Variants in FNBP1L observed in about 807,000 individuals in gnomAD.
FNBP1L encodes formin-binding protein 1-like.
A neutral mutation model predicts 91.2 loss-of-function variants in FNBP1L; 36 were observed. The observed-to-expected ratio is 0.39, with a 90% CI of 0.30 to 0.52. The LOEUF (loss-of-function observed/expected upper bound fraction) is 0.52, where lower values mean the gene tolerates loss of function less well. Ranked by LOEUF, FNBP1L falls within the 20% of genes least tolerant of loss-of-function variation. The pLI is 0.66. For synonymous variants in FNBP1L, 242 were observed against 237.0 expected (o/e 1.02, Z -0.19); for missense variants, 571 against 732.1 (o/e 0.78, Z 2.54).
At chr1:93,466,016 G>C (rs1477859741) in intron 1 of FNBP1L, among the ~76,000 whole-genome samples, 4 of 152,020 alleles carry the variant, frequency 2.6e-5, no homozygotes, top group African/African-American at 7.3e-5. Flanking sequence ...TGAGAAGTAT[G>C]TGTTCATATC....
intron 5 of FNBP1L, among the ~76,000 whole-genome samples, chr1:93,528,018 G>C (rs1671547538): frequency 6.6e-6 from 1 of 151,724 alleles, no homozygotes; most frequent in South Asian, 2.1e-4. Flanking sequence ...GAAAGATAAA[G>C]TTCAATAAAT....
rs770230227 is a variant in FNBP1L, at chr1:93,550,992, A to G, written c.1697A>G (p.Tyr566Cys). The change falls in exon 16 of 17, where the codon TAC becomes TGC. Residue 566 changes from tyrosine to cysteine, a missense_variant. By Grantham distance (194) the Tyr-to-Cys change is radical. Coordinates refer to ENST00000271234, the MANE Select transcript of FNBP1L (RefSeq NM_001164473.3). ...GCAATGAAAGAAGGTGAAGTTCTCT[A>G]CATTATAGAGGAGGACAAAGGTGAC... ...TLAMKEGEVL[Y>C]IIEEDKGDGW... 2.5e-6 allele frequency: 4 copies of G among 1,611,256 alleles called. No homozygotes were observed. In the South Asian group the frequency reaches 3.3e-5, roughly 13 times the overall value.
chr1:93,452,091 G>A (rs1474160963), intron 1 of FNBP1L, among the ~76,000 whole-genome samples: 1 of 152,040 alleles, frequency 6.6e-6, no homozygotes, highest in Non-Finnish European at 1.5e-5. Flanking sequence ...TATTATCTTG[G>A]CTTCATAACA....
chr1:93,550,092 GT>G (rs1429086204), intron 15 of FNBP1L, among the ~76,000 whole-genome samples: 2 of 152,182 alleles, frequency 1.3e-5, no homozygotes, highest in Non-Finnish European at 2.9e-5. Flanking sequence ...ATAAACGGTT[GT>G]AAAATGGTGC....
chr1:93,458,054 T>A (rs765055074), intron 1 of FNBP1L, among the ~76,000 whole-genome samples: 7 of 152,148 alleles, frequency 4.6e-5, no homozygotes, highest in Non-Finnish European at 7.4e-5. Flanking sequence ...CCTCCCAGAG[T>A]GCTGGGATTA....
Position 93,553,297 on chromosome 1 carries a change from C to G in FNBP1L, c.*881C>G, listed in dbSNP as rs986351814. On this transcript the variant is annotated 3_prime_UTR_variant, in exon 17 of 17. Transcript: ENST00000271234. ...GCTTCCATTCAAATGCTGCCTTAAACTTGAGTGCCTAAATCTGTTGATTGC... is the reference window on the plus strand; with the variant it reads ...GCTTCCATTCAAATGCTGCCTTAAAGTTGAGTGCCTAAATCTGTTGATTGC... The G allele has an allele frequency of 6.5e-6, 1 of 152,676 alleles. No individual in the cohort carries two copies. Among genetic ancestry groups the G allele is most frequent in the African/African-American group, 2.4e-5 (1 of 41,466 alleles). 9.5% of individuals were successfully genotyped at this position (152,676 alleles called of 1,614,324 possible).
At chr1:93,539,807 G>A (rs1671967884) in intron 10 of FNBP1L, among the ~76,000 whole-genome samples, 2 of 152,044 alleles carry the variant, frequency 1.3e-5, no homozygotes, top group African/African-American at 4.8e-5. Flanking sequence ...TCTAAAGAAT[G>A]TTAAGCTTAA....
chr1:93,508,167 G>C (rs1381607972), intron 2 of FNBP1L, among the ~76,000 whole-genome samples: 1 of 151,582 alleles, frequency 6.6e-6, no homozygotes, highest in East Asian at 2.0e-4. Context: ...GGCCAACATG[G>C]TGAAACCCCA....
intron 1 of FNBP1L, among the ~76,000 whole-genome samples, chr1:93,496,958 G>A (rs1570803640): frequency 2.0e-5 from 3 of 152,264 alleles, no homozygotes; most frequent in Middle Eastern, 3.4e-3. Context: ...ATTAGTTTCA[G>A]TGGGGTTTGA....
chr1:93,518,685 T>C (rs999908943), intron 2 of FNBP1L, among the ~76,000 whole-genome samples: 5 of 152,216 alleles, frequency 3.3e-5, no homozygotes, highest in African/African-American at 1.2e-4. Context: ...CAACTGCCAC[T>C]CCTCCTCCTA....
At chr1:93,533,262 TAAA>T (rs10541830) in intron 8 of FNBP1L, among the ~76,000 whole-genome samples, 194 bp downstream of exon 8, 3,181 of 142,142 alleles carry the variant, frequency 0.022, 109 homozygotes, top group African/African-American at 0.074. Flanking sequence ...AATTCTTTCT[TAAA>T]AAAAAAAAAA....
chr1:93,524,428 T>C (rs1671431963), intron 5 of FNBP1L, 105 bp downstream of exon 5: 5 of 760,954 alleles, frequency 6.6e-6, no homozygotes, highest in Admixed American at 7.9e-5. Flanking sequence ...TCTCAGTGTA[T>C]TATTAATAAT....
At chr1:93,481,660 CAG>C (rs1389358798) in intron 1 of FNBP1L, among the ~76,000 whole-genome samples, 1 of 152,176 alleles carries the variant, frequency 6.6e-6, no homozygotes, top group Non-Finnish European at 1.5e-5. Flanking sequence ...AAGAGAGTAA[CAG>C]ACTGCTGTCC....
rs1177953391 is a variant in FNBP1L, at chr1:93,554,586, A to T, written c.*2170A>T. ...TGCACATGTTGATTTCTTAATGGTAAATCCTTCATTTAAAGATAGTGTTCT... is the reference window on the plus strand; with the variant it reads ...TGCACATGTTGATTTCTTAATGGTATATCCTTCATTTAAAGATAGTGTTCT... On this transcript the variant is annotated 3_prime_UTR_variant, in exon 17 of 17. Transcript: ENST00000271234. 1 of 152,600 alleles carries T rather than the reference A, an allele frequency of 6.6e-6. No individual in the cohort carries two copies. Among genetic ancestry groups the T allele is most frequent in the Non-Finnish European group, 1.5e-5 (1 of 68,028 alleles). 9.5% of individuals were successfully genotyped at this position (152,600 alleles called of 1,614,324 possible).
chr1:93,457,182 A>G (rs1350349932), intron 1 of FNBP1L, among the ~76,000 whole-genome samples: 1 of 151,996 alleles, frequency 6.6e-6, no homozygotes, highest in Non-Finnish European at 1.5e-5. Context: ...ACTGCGTCTG[A>G]CCTCCAACCA....
intron 16 of FNBP1L, 96 bp from the exon 17 acceptor site, chr1:93,552,313 G>C: frequency 6.6e-7 from 1 of 1,507,382 alleles, no homozygotes; most frequent in Non-Finnish European, 8.9e-7. Flanking sequence ...TAAAATGATA[G>C]AGACATTTGG....
At chr1:93,506,248 T>TTTC (rs936842253) in intron 2 of FNBP1L, among the ~76,000 whole-genome samples, 5 of 152,160 alleles carry the variant, frequency 3.3e-5, no homozygotes, top group African/African-American at 9.6e-5. Context: ...CCCTTTGTCT[T>TTTC]TTCTTCTTCT....
At chr1:93,525,162 A>G (rs926777201) in intron 5 of FNBP1L, among the ~76,000 whole-genome samples, 2 of 151,916 alleles carry the variant, frequency 1.3e-5, no homozygotes, top group South Asian at 2.1e-4. Flanking sequence ...CTTTACTAGC[A>G]TATTTCTCTG....
chr1:93,501,574 AT>A (rs1310208906), intron 2 of FNBP1L, among the ~76,000 whole-genome samples: 2 of 152,146 alleles, frequency 1.3e-5, no homozygotes, highest in Non-Finnish European at 2.9e-5. Context: ...ATGAGGGCGG[AT>A]CCCTCATGAC....
Sources: gnomAD v4.1 joint callset for allele counts (sites outside exome capture counted in the v4.1 genomes callset) on GRCh38, gnomAD v4.1.1 for gene constraint, MANE v1.5 for transcripts, NCBI Gene and HGNC (gene_info 2026-07-23, HGNC 2026-07-21) for gene names.